ENTPD5: variants seen among roughly 807,000 people sequenced by gnomAD.
ENTPD5 encodes the protein nucleoside diphosphate phosphatase ENTPD5.
ENTPD5 carries 49 observed loss-of-function variants against 60.2 expected under a neutral mutation model. That is an observed-to-expected ratio of 0.81 (90% CI 0.65 to 1.03). ENTPD5 has a LOEUF of 1.03. Ranked by LOEUF, ENTPD5 falls within the 50% of genes least tolerant of loss-of-function variation. The pLI is 0.00. For missense variants in ENTPD5, 480 were observed against 507.6 expected (o/e 0.95, Z 0.52); for synonymous variants, 187 against 185.4 (o/e 1.01, Z -0.07).
intron 3 of ENTPD5, among the ~76,000 whole-genome samples, chr14:74,000,519 G>A (rs146086623): frequency 0.062 from 9,446 of 151,900 alleles, 477 homozygotes; most frequent in South Asian, 0.26. Context: ...AGTGGCTCAC[G>A]CCTGTAATCC....
At chr14:73,986,632 C>A (rs2057911941) in intron 5 of ENTPD5, 182 bp downstream of exon 5, 1 of 590,218 alleles carries the variant, frequency 1.7e-6, no homozygotes, top group East Asian at 2.8e-5. Flanking sequence ...CCTTCTTCCA[C>A]CCAGCCCTCA....
intron 3 of ENTPD5, among the ~76,000 whole-genome samples, chr14:74,009,474 C>T (rs2058777883): frequency 6.6e-6 from 1 of 152,046 alleles, no homozygotes; most frequent in African/African-American, 2.4e-5. Context: ...GAAAAACATG[C>T]CAAAGATAAA....
chr14:73,963,825 C>CTGAT lies in ENTPD5; in HGVS notation c.*3099_*3102dup, dbSNP rs1219793668. The CTGAT allele has an allele frequency of 6.6e-6, 1 of 152,178 alleles. No individual in the cohort carries two copies. The highest frequency in any genetic ancestry group is 1.5e-5 in the Non-Finnish European group (1 of 68,052). The allele number at this position is 152,178 out of a possible 1,614,324, so 9.4% of individuals were successfully genotyped here. On this transcript the variant is annotated 3_prime_UTR_variant, in exon 16 of 16. Coordinates refer to ENST00000334696, the MANE Select transcript of ENTPD5 (RefSeq NM_001249.5). ...TCTAAAGAACATCTTGCCCAGAAGT[C>CTGAT]TGATTTGAGATGAAATGAAGAGAAA...
At chr14:73,979,565 G>A (rs2057587510) in intron 6 of ENTPD5, among the ~76,000 whole-genome samples, 1 of 149,564 alleles carries the variant, frequency 6.7e-6, no homozygotes. Context: ...TCTGCCTCCC[G>A]GGTTCACACC....
intron 15 of ENTPD5, 143 bp downstream of exon 15, chr14:73,969,867 C>T: frequency 1.7e-6 from 1 of 594,552 alleles, no homozygotes; most frequent in Non-Finnish European, 3.0e-6. Context: ...TTCATGGTGC[C>T]CAGCACAGTA....
chr14:73,959,892 A>G, downstream of ENTPD5: 2 of 1,213,990 alleles, frequency 1.6e-6, no homozygotes, highest in Non-Finnish European at 2.1e-6. Flanking sequence ...TTGAGTCAGG[A>G]AAAAGGAGTA....
At chr14:73,961,434 T>C (rs565937205), downstream of ENTPD5, 1 of 1,614,230 alleles carries the variant, frequency 6.2e-7, no homozygotes, top group East Asian at 2.2e-5. Flanking sequence ...AGGTCACACC[T>C]GAACTCTGCT....
At chr14:74,012,233 T>C (rs1355567883) in intron 2 of ENTPD5, among the ~76,000 whole-genome samples, 1 of 152,094 alleles carries the variant, frequency 6.6e-6, no homozygotes, top group African/African-American at 2.4e-5. Flanking sequence ...GCCTCCCAAG[T>C]AGCTGGGATT....
intron 3 of ENTPD5, among the ~76,000 whole-genome samples, chr14:73,999,497 CA>C (rs1020336073): frequency 6.6e-6 from 1 of 150,724 alleles, no homozygotes; most frequent in African/African-American, 2.5e-5. Flanking sequence ...CCCACCCCCC[CA>C]AAAAAAACAA....
chr14:74,001,860 A>G (rs2058522704), intron 3 of ENTPD5, among the ~76,000 whole-genome samples: 1 of 151,950 alleles, frequency 6.6e-6, no homozygotes, highest in Non-Finnish European at 1.5e-5. Context: ...CTCAAATAAT[A>G]ATAATTAAAA....
rs996225314 is a variant in ENTPD5, at chr14:73,963,320, ATTTTGT to A, written c.*3602_*3607del. Reference sequence around the variant, plus strand: ...AATCATTTCTAAAGAGAAAATTTACATTTTGTTTTTGTTTTAATGTTGGTCATAAAT... The same window carrying A: ...AATCATTTCTAAAGAGAAAATTTACATTTTGTTTTAATGTTGGTCATAAAT... On this transcript the variant is annotated 3_prime_UTR_variant, in exon 16 of 16. Transcript: ENST00000334696. The A allele has an allele frequency of 2.7e-5, 12 of 448,580 alleles. No homozygotes were observed. The highest frequency in any genetic ancestry group is 2.0e-4 in the African/African-American group (10 of 49,862). 27.8% of individuals were successfully genotyped at this position (448,580 alleles called of 1,614,324 possible). A position where few individuals can be genotyped will look rare whatever the true frequency, so the allele number is the denominator to read the frequency against.
chr14:73,976,342 CG>C lies in ENTPD5; in HGVS notation c.623del (p.Thr208SerfsTer40). On this transcript the variant is annotated frameshift_variant, in exon 9 of 16. Transcript: ENST00000334696. LOFTEE classifies it high-confidence loss of function. ...LDLGGASTQITFLPQFEKTLE... is the reference protein window; with the variant it reads ...LDLGGASTQIXFLPQFEKTLE... The stretch of plus-strand genomic sequence containing the variant: ...GACTCACCTCAAACTGGGGCAGGAA[CG>C]TGATTTGGGTGGAGGCTCCCCCTAG... 1.2e-6 allele frequency: 2 copies of C among 1,614,056 alleles called. No homozygotes were observed. Among genetic ancestry groups the C allele is most frequent in the South Asian group, 2.2e-5 (2 of 91,076 alleles).
rs901431118 is a variant in ENTPD5 at position 73,966,910 on chromosome 14, C to T, written c.*18G>A. The stretch of plus-strand genomic sequence containing the variant: ...AAAAGGTGTTGGCAAATGCAGGTCT[C>T]CAAGGAAGTACGTGGCCTCAATGGG... On this transcript the variant is annotated 3_prime_UTR_variant, in exon 16 of 16. Transcript: ENST00000334696. 11 of 1,607,388 alleles carry T rather than the reference C, an allele frequency of 6.8e-6. No individual in the cohort carries two copies. Among genetic ancestry groups the T allele is most frequent in the Non-Finnish European group, 8.5e-6 (10 of 1,174,050 alleles).
chr14:73,959,723 C>T, downstream of ENTPD5: 8 of 1,154,910 alleles, frequency 6.9e-6, no homozygotes, highest in Non-Finnish European at 9.5e-6. Context: ...GCACGTGCCA[C>T]CATGCCCAGC....
intron 3 of ENTPD5, chr14:73,996,321 C>G: frequency 2.9e-6 from 1 of 350,868 alleles, no homozygotes; most frequent in Non-Finnish European, 4.0e-6. Context: ...GTACACAATT[C>G]GTTCATCTAC....
intron 14 of ENTPD5, 58 bp downstream of exon 14, chr14:73,971,794 A>G: frequency 8.4e-7 from 1 of 1,186,862 alleles, no homozygotes; most frequent in Non-Finnish European, 1.3e-6. Context: ...ACTTTAGGTC[A>G]CTAGAGTAGG....
At chr14:73,971,694 A>G (rs562842852) in intron 14 of ENTPD5, among the ~76,000 whole-genome samples, 158 bp downstream of exon 14, 4 of 152,142 alleles carry the variant, frequency 2.6e-5, no homozygotes, top group Middle Eastern at 3.4e-3. Flanking sequence ...CTACCACCCA[A>G]TGCTTTTAAC....
intron 3 of ENTPD5, among the ~76,000 whole-genome samples, chr14:74,004,065 A>G (rs1594942782): frequency 6.6e-6 from 1 of 152,184 alleles, no homozygotes; most frequent in Admixed American, 6.6e-5. Context: ...GAATCATGCC[A>G]CTGCACTCCA....
intron 14 of ENTPD5, among the ~76,000 whole-genome samples, chr14:73,971,234 T>C (rs2057212765): frequency 6.6e-6 from 1 of 151,788 alleles, no homozygotes; most frequent in Admixed American, 6.6e-5. Context: ...CTTGGCTCAC[T>C]ACAACCTCTG....
Sources: allele counts gnomAD v4.1 joint callset (sites outside exome capture counted in the v4.1 genomes callset), GRCh38; gene constraint gnomAD v4.1.1; transcripts MANE v1.5; gene names NCBI Gene and HGNC (gene_info 2026-07-23, HGNC 2026-07-21).